The following RLN2 variants were observed in gnomAD, a reference collection of about 807,000 sequenced individuals.
RLN2 encodes prorelaxin H2.
A neutral mutation model predicts 7.3 loss-of-function variants in RLN2; 10 were observed. That is an observed-to-expected ratio of 1.36 (90% confidence interval 0.84 to 2.31). The LOEUF is 2.31. Ranked by LOEUF, RLN2 falls within the 30% of genes most tolerant of loss-of-function variation. The pLI is 0.00. For missense variants in RLN2, 298 were observed against 217.6 expected (o/e 1.37, Z -2.32); for synonymous variants, 103 against 82.3 (o/e 1.25, Z -1.36).
the RLN2 span, among the ~76,000 whole-genome samples, chr9:5,318,060 C>G: frequency 1.4e-5 from 2 of 148,020 alleles, no homozygotes; most frequent in Admixed American, 1.3e-4. Context: ...ATAGTAGAGA[C>G]AGGGTTTCGC....
At chr9:5,308,580 C>T (rs76930646), upstream of RLN2, among the ~76,000 whole-genome samples, 2,347 of 152,116 alleles carry the variant, frequency 0.015, 95 homozygotes, top group African/African-American at 0.054. Context: ...TGGAACATCA[C>T]AAGGGACCCC....
upstream of RLN2, chr9:5,304,860 TTTTACAG>T: frequency 4.3e-6 from 2 of 465,022 alleles, no homozygotes; most frequent in South Asian, 5.2e-5. Context: ...TCCTTGGCCC[TTTTACAG>T]TTGTGTTCTT....
At chr9:5,302,266 T>C (rs370211760) in intron 1 of RLN2, among the ~76,000 whole-genome samples, 3 of 152,214 alleles carry the variant, frequency 2.0e-5, no homozygotes, top group East Asian at 3.8e-4. Flanking sequence ...TCTGAATTCA[T>C]ACAAATACCC....
rs770782030 is a variant in RLN2, at chr9:5,300,156, A to C, written c.500T>G (p.Leu167Trp). 2 of 1,611,846 alleles carry C rather than the reference A, an allele frequency of 1.2e-6. No homozygotes were observed. Among genetic ancestry groups the C allele is most frequent in the South Asian group, 2.2e-5 (2 of 90,254 alleles). ...ACCAACATGGCAACATTTATTAGCC[A>C]ATGCACTGTAGAGTTGTCTCTTTTT... ...SRKKRQLYSALANKCCHVGCT... is the reference protein window; with the variant it reads ...SRKKRQLYSAWANKCCHVGCT... The change falls in exon 2 of 2, where the codon TTG (leucine) becomes TGG (tryptophan). Residue 167 changes from leucine to tryptophan, a missense_variant. Coordinates refer to ENST00000381627, the MANE Select transcript of RLN2 (RefSeq NM_134441.3).
chr9:5,326,257 C>G, the RLN2 span, among the ~76,000 whole-genome samples: 1 of 152,042 alleles, frequency 6.6e-6, no homozygotes, highest in African/African-American at 2.4e-5. Flanking sequence ...ATGGTAACCT[C>G]AAGGGATGAA....
the RLN2 span, among the ~76,000 whole-genome samples, chr9:5,310,388 CT>C: frequency 1.3e-5 from 2 of 151,918 alleles, no homozygotes; most frequent in South Asian, 4.2e-4. Context: ...TACCTCTCCC[CT>C]ACACCCCTGC....
intron 1 of RLN2, 106 bp from the exon 2 acceptor site, chr9:5,300,550 AAAT>A (rs1816097504): frequency 1.4e-6 from 1 of 710,156 alleles, no homozygotes; most frequent in Non-Finnish European, 2.3e-6. Context: ...GCCTCAGTAT[AAAT>A]TAAACATTGA....
chr9:5,310,569 T>C, the RLN2 span, among the ~76,000 whole-genome samples: 4 of 152,014 alleles, frequency 2.6e-5, no homozygotes, highest in Admixed American at 2.6e-4. Flanking sequence ...GTGCATAGCT[T>C]CAATCGAACC....
intron 1 of RLN2, among the ~76,000 whole-genome samples, chr9:5,301,646 G>A (rs1225975362): frequency 6.6e-6 from 1 of 152,174 alleles, no homozygotes; most frequent in Non-Finnish European, 1.5e-5. Flanking sequence ...GAAGAGGGGA[G>A]TAAATCTAAG....
chr9:5,324,717 T>C, the RLN2 span, among the ~76,000 whole-genome samples: 1 of 152,074 alleles, frequency 6.6e-6, no homozygotes, highest in Non-Finnish European at 1.5e-5. Context: ...ATTATAAAAG[T>C]ACGCAACCTT....
chr9:5,329,154 T>G, the RLN2 span, among the ~76,000 whole-genome samples: 2 of 150,366 alleles, frequency 1.3e-5, no homozygotes, highest in African/African-American at 2.5e-5. Context: ...ATACAAAAAA[T>G]TAGCCGGGCG....
the RLN2 span, among the ~76,000 whole-genome samples, chr9:5,334,368 T>G: frequency 6.6e-6 from 1 of 152,042 alleles, no homozygotes; most frequent in African/African-American, 2.4e-5. Context: ...GGAGATTAAC[T>G]TGTCATTCAA....
At chr9:5,309,798 G>A in the RLN2 span, among the ~76,000 whole-genome samples, 2 of 151,924 alleles carry the variant, frequency 1.3e-5, no homozygotes, top group Non-Finnish European at 2.9e-5. Flanking sequence ...CATCTGGGTT[G>A]AAGGAAATTT....
chr9:5,336,063 A>G, the RLN2 span, among the ~76,000 whole-genome samples: 107 of 152,102 alleles, frequency 7.0e-4, 2 homozygotes, highest in Middle Eastern at 3.4e-3. Flanking sequence ...AAGCTACTCA[A>G]TGTTTCGTGG....
At chr9:5,316,648 A>G in the RLN2 span, among the ~76,000 whole-genome samples, 3 of 152,076 alleles carry the variant, frequency 2.0e-5, no homozygotes, top group African/African-American at 7.2e-5. Context: ...GCTGCATAGT[A>G]TTCCATGGTG....
At chr9:5,311,453 G>C in the RLN2 span, 3 of 609,250 alleles carry the variant, frequency 4.9e-6, no homozygotes, top group Non-Finnish European at 5.8e-6. Context: ...GCATGCCCAA[G>C]AGAAAGGCTG....
At chr9:5,338,160 C>A in the RLN2 span, among the ~76,000 whole-genome samples, 1 of 111,510 alleles carries the variant, frequency 9.0e-6, no homozygotes, top group Non-Finnish European at 1.8e-5. Flanking sequence ...TTTCACGCTG[C>A]ATTAATGTAC....
chr9:5,335,589 G>A, the RLN2 span: 1 of 1,595,802 alleles, frequency 6.3e-7, no homozygotes, highest in Non-Finnish European at 8.6e-7. Context: ...ATGAAGGATG[G>A]TACAATTTCT....
At chr9:5,335,253 A>G in the RLN2 span, 1 of 1,574,084 alleles carries the variant, frequency 6.4e-7, no homozygotes, top group Non-Finnish European at 8.6e-7. Flanking sequence ...GCTTCATCTC[A>G]GCAATATTTA....
Sources: gnomAD v4.1 joint callset for allele counts (sites outside exome capture counted in the v4.1 genomes callset) on GRCh38, gnomAD v4.1.1 for gene constraint, MANE v1.5 for transcripts, NCBI Gene and HGNC (gene_info 2026-07-23, HGNC 2026-07-21) for gene names.